The following DIP2C variants were observed in gnomAD, a reference collection of about 807,000 sequenced individuals.
The protein encoded by DIP2C is DIP2 acetate--CoA ligase C (putative).
Under a neutral mutation model 192.4 loss-of-function variants are expected in DIP2C, and 33 were observed. The ratio of observed to expected loss-of-function variants is 0.17; its 90% CI spans 0.13 to 0.23. DIP2C has a LOEUF of 0.23. DIP2C is among the 10% of genes least tolerant of loss of function. DIP2C has a pLI of 1.00. For synonymous variants in DIP2C, 979 were observed against 864.1 expected (o/e 1.13, Z -2.33); for missense variants, 1,537 against 2,110.1 (o/e 0.73, Z 5.32).
intron 1 of DIP2C, among the ~76,000 whole-genome samples, chr10:519,999 G>A (rs954414632): frequency 6.6e-6 from 1 of 152,180 alleles, no homozygotes; most frequent in Non-Finnish European, 1.5e-5. Flanking sequence ...AGCTCCACTC[G>A]GAGTAACAGC....
At chr10:311,396 G>T in intron 31 of DIP2C, 1 of 713,488 alleles carries the variant, frequency 1.4e-6, no homozygotes, top group Non-Finnish European at 1.9e-6. Context: ...TTGCCCGGCC[G>T]GCAGCACCCA....
At chr10:608,939 C>T (rs1324789088) in intron 1 of DIP2C, among the ~76,000 whole-genome samples, 1 of 151,148 alleles carries the variant, frequency 6.6e-6, no homozygotes, top group South Asian at 2.1e-4. Flanking sequence ...CAAAGGACCC[C>T]AACACATGGC....
chr10:384,655 G>C lies in DIP2C; in HGVS notation c.1663-16C>G. The C allele has an allele frequency of 6.2e-7, 1 of 1,613,212 alleles. No individual in the cohort carries two copies. Among genetic ancestry groups the C allele is most frequent in the Non-Finnish European group, 8.5e-7 (1 of 1,179,738 alleles). ...TCATGACGCTCTGCAATCAACAAAG[G>C]AACACGCAGGGTGAGCATGGAGGGG... is the stretch of plus-strand genomic sequence containing the variant. On this transcript the variant is annotated splice_polypyrimidine_tract_variant and intron_variant, in intron 14 of 36. Transcript: ENST00000280886.
At chr10:387,627 G>A (rs1214421080) in intron 14 of DIP2C, 118 bp downstream of exon 14, 5 of 857,652 alleles carry the variant, frequency 5.8e-6, no homozygotes, top group Middle Eastern at 6.4e-4. Flanking sequence ...GACAGACAGT[G>A]TGGGGAGGGG....
intron 33 of DIP2C, among the ~76,000 whole-genome samples, chr10:287,421 C>T (rs1010923429): frequency 6.6e-6 from 1 of 152,106 alleles, no homozygotes; most frequent in Non-Finnish European, 1.5e-5. Context: ...AAACACAGAA[C>T]GTCTTGGAAT....
intron 31 of DIP2C, 71 bp downstream of exon 31, chr10:326,935 A>T (rs1455673354): frequency 2.0e-6 from 3 of 1,518,276 alleles, no homozygotes; most frequent in Non-Finnish European, 2.7e-6. Context: ...AGACGAGTGG[A>T]GCCAGTCTGT....
chr10:518,586 G>A (rs1846507774), intron 1 of DIP2C, among the ~76,000 whole-genome samples: 1 of 152,152 alleles, frequency 6.6e-6, no homozygotes, highest in Admixed American at 6.5e-5. Context: ...ACTGTGTCAG[G>A]GCCAGAGAGA....
intron 3 of DIP2C, among the ~76,000 whole-genome samples, chr10:465,369 G>T (rs907590359): frequency 6.7e-6 from 1 of 148,788 alleles, no homozygotes; most frequent in Non-Finnish European, 1.5e-5. Flanking sequence ...AATAAATTAG[G>T]TATTGATGGG....
intron 1 of DIP2C, among the ~76,000 whole-genome samples, chr10:504,073 C>G (rs1001196199): frequency 2.0e-5 from 3 of 152,200 alleles, no homozygotes; most frequent in Non-Finnish European, 4.4e-5. Context: ...TGGAAATACT[C>G]TCTCTTCATC....
chr10:437,772 A>G (rs964718735), intron 4 of DIP2C: 1 of 152,214 alleles, frequency 6.6e-6, no homozygotes, highest in Non-Finnish European at 1.5e-5. Context: ...GCATTGTGAC[A>G]ATGCTAATGA....
At chr10:317,394 G>A (rs1374312083) in intron 31 of DIP2C, among the ~76,000 whole-genome samples, 4 of 152,188 alleles carry the variant, frequency 2.6e-5, no homozygotes, top group African/African-American at 7.2e-5. Flanking sequence ...GTAGCTGTGC[G>A]GAAAGCACCA....
intron 29 of DIP2C, among the ~76,000 whole-genome samples, chr10:337,130 CTGTGTGTG>C (rs138944577): frequency 1.3e-4 from 11 of 83,076 alleles, no homozygotes; most frequent in African/African-American, 6.4e-4. Context: ...GCCTAGGCAG[CTGTGTGTG>C]TGTGTGTGTT....
Position 379,888 on chromosome 10 carries a change from T to C in DIP2C, c.1991+2759A>G, listed in dbSNP as rs188498370. ...GGCTGTCCCTGGAAGATGGTTAACG[T>C]GCAGAAGAGGCTGTCCCTGGATGAT... On this transcript the variant is annotated intron_variant, in intron 17 of 36. Coordinates refer to ENST00000280886, the MANE Select transcript of DIP2C (RefSeq NM_014974.3). Among the ~76,000 whole-genome samples the C allele has an allele frequency of 5.4e-3, 791 of 145,896 alleles. 3 individuals are homozygous for C. Among genetic ancestry groups the C allele is most frequent in the East Asian group, 0.013 (61 of 4,800 alleles).
chr10:278,939 A>G (rs894096503), intron 36 of DIP2C, among the ~76,000 whole-genome samples: 3 of 152,148 alleles, frequency 2.0e-5, no homozygotes, highest in Admixed American at 6.5e-5. Flanking sequence ...ATCTGCTCTC[A>G]CGCACCTGAC....
intron 3 of DIP2C, among the ~76,000 whole-genome samples, chr10:447,567 A>ACT (rs1968363583): frequency 6.5e-5 from 7 of 108,086 alleles, no homozygotes; most frequent in South Asian, 2.9e-4. Flanking sequence ...GGACCCACTC[A>ACT]CCCGTCGATA....
At chr10:535,941 C>T (rs527503029) in intron 1 of DIP2C, among the ~76,000 whole-genome samples, 1 of 152,254 alleles carries the variant, frequency 6.6e-6, no homozygotes, top group African/African-American at 2.4e-5. Flanking sequence ...TCTCCCATTG[C>T]TCCCGTAAGC....
chr10:542,025 A>G (rs1157576583), intron 1 of DIP2C, among the ~76,000 whole-genome samples: 1 of 152,152 alleles, frequency 6.6e-6, no homozygotes, highest in Non-Finnish European at 1.5e-5. Flanking sequence ...TCTCCTGCAC[A>G]CTTGGCTCTT....
intron 1 of DIP2C, among the ~76,000 whole-genome samples, chr10:557,648 G>T (rs1334969517): frequency 9.5e-6 from 1 of 105,540 alleles, no homozygotes; most frequent in African/African-American, 4.0e-5. Flanking sequence ...ACAGGGTGGT[G>T]AGTGCACAGG....
At chr10:409,056 C>A (rs1348163082) in intron 8 of DIP2C, 39 bp from the exon 9 acceptor site, 2 of 1,599,048 alleles carry the variant, frequency 1.3e-6, no homozygotes, top group Non-Finnish European at 1.7e-6. Flanking sequence ...CGTATTAAAC[C>A]ATACGGAGAG....
Sources: allele counts gnomAD v4.1 joint callset (sites outside exome capture counted in the v4.1 genomes callset), GRCh38; gene constraint gnomAD v4.1.1; transcripts MANE v1.5; gene names NCBI Gene and HGNC (gene_info 2026-07-23, HGNC 2026-07-21).